The following ABCA8 variants were observed in gnomAD, a reference collection of about 807,000 sequenced individuals.
ABCA8 encodes the protein ATP binding cassette subfamily A member 8.
ABCA8 carries 177 observed loss-of-function variants against 192.3 expected under a neutral mutation model. That is an observed-to-expected ratio of 0.92 (90% CI 0.81 to 1.04). ABCA8 has a LOEUF of 1.04. Among genes scored for constraint, ABCA8 ranks in the 50% least tolerant of loss-of-function variants. The pLI, the probability that ABCA8 is intolerant of heterozygous loss-of-function variation, is 0.00. For synonymous variants in ABCA8, 642 were observed against 690.2 expected, an observed-to-expected ratio of 0.93 and a Z score of 1.09; for missense variants, 1,915 against 1,904.8, an observed-to-expected ratio of 1.01 and a Z score of -0.10.
intron 10 of ABCA8, among the ~76,000 whole-genome samples, chr17:68,925,552 T>C: frequency 6.6e-6 from 1 of 152,214 alleles, no homozygotes; most frequent in East Asian, 1.9e-4. Context: ...GGAAACATTA[T>C]GAAACGGAAG....
At chr17:68,954,158 G>A (rs1220145476) in intron 1 of ABCA8, among the ~76,000 whole-genome samples, 1 of 150,548 alleles carries the variant, frequency 6.6e-6, no homozygotes, top group African/African-American at 2.4e-5. Context: ...CTAGCATTAG[G>A]TATATCTCCC....
intron 5 of ABCA8, among the ~76,000 whole-genome samples, chr17:68,933,677 G>T (rs1436569467): frequency 6.6e-6 from 1 of 152,088 alleles, no homozygotes; most frequent in Non-Finnish European, 1.5e-5. Context: ...TCTAACACTG[G>T]ATATAACACG....
chr17:68,919,296 T>C lies in ABCA8; in HGVS notation c.1788+5A>G. 1.3e-6 allele frequency: 2 copies of C among 1,595,290 alleles called. No homozygotes were observed. The highest frequency in any genetic ancestry group is 1.7e-6 in the Non-Finnish European group (2 of 1,169,954). On this transcript the variant is annotated splice_donor_5th_base_variant and intron_variant, in intron 14 of 39. Coordinates refer to ENST00000586539, the MANE Select transcript of ABCA8 (RefSeq NM_001288985.2). Reference sequence around the variant, plus strand: ...CAACACATTAACTTTAACATATTTTTGTACCTCTTTATCCACTTCTTGTGG... The same window carrying C: ...CAACACATTAACTTTAACATATTTTCGTACCTCTTTATCCACTTCTTGTGG...
chr17:68,944,482 G>A (rs1487668788), intron 2 of ABCA8: 1 of 150,756 alleles, frequency 6.6e-6, no homozygotes, highest in African/African-American at 2.4e-5. Flanking sequence ...CTTGGTAGAA[G>A]GACAGGAATC....
intron 19 of ABCA8, among the ~76,000 whole-genome samples, chr17:68,904,774 G>A (rs117478530): frequency 7.5e-4 from 114 of 152,246 alleles, no homozygotes; most frequent in Non-Finnish European, 1.5e-3. Context: ...AGAAACACAA[G>A]AAGCTGCATA....
intron 26 of ABCA8, among the ~76,000 whole-genome samples, chr17:68,885,952 CA>C (rs1567828336): frequency 6.6e-6 from 1 of 151,854 alleles, no homozygotes; most frequent in Admixed American, 6.6e-5. Context: ...AGGAATAAAA[CA>C]ACAAAAATGA....
intron 21 of ABCA8, among the ~76,000 whole-genome samples, chr17:68,897,705 A>T (rs528127209): frequency 2.6e-5 from 4 of 152,314 alleles, no homozygotes; most frequent in Admixed American, 6.5e-5. Context: ...TTGAAAGTAC[A>T]ATAATTGAAA....
In ABCA8 at chr17:68,883,960, G is replaced by A. The variant is rs111977334; in HGVS notation, c.3616-78C>T. 274 of 898,596 alleles carry A rather than the reference G, an allele frequency of 3.0e-4. 2 individuals are homozygous for A. Among genetic ancestry groups the A allele is most frequent in the South Asian group, 1.0e-3 (58 of 56,192 alleles). The allele number at this position is 898,596 out of a possible 1,614,324, so 55.7% of individuals were successfully genotyped here. On this transcript the variant is annotated intron_variant, in intron 28 of 39. Transcript: ENST00000586539. ...TATCAAAGATATACTAATAATAACCGAACTTCTAAAAAAATACATTCAGTG... is the reference window on the plus strand; with the variant it reads ...TATCAAAGATATACTAATAATAACCAAACTTCTAAAAAAATACATTCAGTG...
rs778990132 is a variant in ABCA8, at chr17:68,929,184, G to A, written c.990C>T (p.Thr330=). The A allele has an allele frequency of 1.2e-5, 19 of 1,607,462 alleles. No individual in the cohort carries two copies. Among genetic ancestry groups the A allele is most frequent in the South Asian group, 2.2e-5 (2 of 89,314 alleles). ...CAGTGAGGAGGAACACGACCAGGCC[G>A]GTGAGGAAAGATTTCTTTACCAAGA... ...MSILVKKSFL[T]GLVVFLLTVF... The change falls in exon 9 of 40, where the codon ACC becomes ACT. Residue 330 remains threonine, a synonymous_variant. Coordinates refer to ENST00000586539, the MANE Select transcript of ABCA8 (RefSeq NM_001288985.2).
Position 68,919,392 on chromosome 17 carries a change from G to T in ABCA8, c.1697C>A (p.Ser566Tyr), listed in dbSNP as rs1199274317. ...AGTGAGGAAGTCAAATTGCACATTG[G>T]ATTGTGGACAAACTCCGGTCAGCTT... ...LSKLTGVCPQ[S>Y]NVQFDFLTVR... Residue 566 changes from serine (S) to tyrosine (Y), a missense_variant, in exon 14 of 40, where the codon TCC (serine) becomes TAC (tyrosine). Ser to Tyr is a moderately radical substitution (Grantham distance 144). Transcript: ENST00000586539. 2 of 1,614,002 alleles carry T rather than the reference G, an allele frequency of 1.2e-6. No individual in the cohort carries two copies. The highest frequency in any genetic ancestry group is 3.3e-5 in the Admixed American group (2 of 60,020).
intron 21 of ABCA8, among the ~76,000 whole-genome samples, chr17:68,901,057 G>T (rs2066896278): frequency 6.6e-6 from 1 of 152,114 alleles, no homozygotes; most frequent in Admixed American, 6.5e-5. Context: ...CAGTATGAGA[G>T]CTAAAACAAG....
At position 68,946,219 on chromosome 17, in the gene ABCA8, C is replaced by G. The variant is rs552982240; in HGVS notation, c.-6+3093G>C. 3.9e-5 allele frequency among the ~76,000 whole-genome samples: 6 copies of G among 152,120 alleles called. No individual in the cohort carries two copies. The South Asian group carries it at 1.2e-3, about 32-fold the overall frequency. ...AGTAGCAGGGACTACAGGCGCCCAC[C>G]ACCATGCCCAGCTAATTTTTGTATT... On this transcript the variant is annotated intron_variant, in intron 2 of 39. Transcript: ENST00000586539.
At position 68,918,134 on chromosome 17, in the gene ABCA8, G is replaced by C; in HGVS notation, c.1960C>G (p.Gln654Glu). The C allele has an allele frequency of 6.2e-7, 1 of 1,614,010 alleles. No individual in the cohort carries two copies. Among genetic ancestry groups the C allele is most frequent in the Middle Eastern group, 1.6e-4 (1 of 6,062 alleles). ...TAGLDPFSRH[Q>E]VWNLLKERKT... ...CGTTCTTTCAGAAGGTTCCATACTT[G>C]GTGTCTTGAAAAGGGATCCAATCCA... Residue 654 changes from glutamine to glutamate, a missense_variant, in exon 16 of 40, where the codon CAA becomes GAA. By Grantham distance (29) the Gln-to-Glu change is conservative. Coordinates refer to ENST00000586539, the MANE Select transcript of ABCA8 (RefSeq NM_001288985.2).
At chr17:68,871,698 G>T (rs1025478476) in intron 37 of ABCA8, among the ~76,000 whole-genome samples, 1 of 152,014 alleles carries the variant, frequency 6.6e-6, no homozygotes, top group Non-Finnish European at 1.5e-5. Flanking sequence ...CAGTGACCCC[G>T]TAAGCTTATA....
At chr17:68,903,586 C>A in intron 19 of ABCA8, 87 bp from the exon 20 acceptor site, 1 of 1,213,306 alleles carries the variant, frequency 8.2e-7, no homozygotes, top group Non-Finnish European at 1.2e-6. Flanking sequence ...TGATTAGACT[C>A]TTCCGCGTTA....
At chr17:68,895,700 C>T (rs1049307105) in intron 21 of ABCA8, among the ~76,000 whole-genome samples, 1 of 152,160 alleles carries the variant, frequency 6.6e-6, no homozygotes, top group African/African-American at 2.4e-5. Context: ...ATTCCCCAAG[C>T]CCAGTTCAGG....
At chr17:68,901,352 A>G (rs1213813105) in intron 21 of ABCA8, among the ~76,000 whole-genome samples, 1 of 152,248 alleles carries the variant, frequency 6.6e-6, no homozygotes, top group Admixed American at 6.5e-5. Context: ...AAGGTGTACA[A>G]TTGACGAGTT....
At chr17:68,928,582 A>AG (rs1236395483) in intron 9 of ABCA8, among the ~76,000 whole-genome samples, 1 of 152,230 alleles carries the variant, frequency 6.6e-6, no homozygotes, top group East Asian at 1.9e-4. Flanking sequence ...GTTAGAGGGA[A>AG]GGCAAGGGGA....
chr17:68,890,247 T>C (rs941704441), intron 24 of ABCA8, among the ~76,000 whole-genome samples: 1 of 152,196 alleles, frequency 6.6e-6, no homozygotes, highest in African/African-American at 2.4e-5. Flanking sequence ...TTATTAGTTT[T>C]ATTGAGTGTG....
Sources: gnomAD v4.1 joint callset for allele counts (sites outside exome capture counted in the v4.1 genomes callset) on GRCh38, gnomAD v4.1.1 for gene constraint, MANE v1.5 for transcripts, NCBI Gene and HGNC (gene_info 2026-07-23, HGNC 2026-07-21) for gene names.